Variants in FSD1L observed in about 807,000 individuals in gnomAD.
FSD1L encodes FSD1-like protein.
In FSD1L, 45 loss-of-function variants were observed where a neutral mutation model predicts 71.6. The ratio of observed to expected loss-of-function variants is 0.63; its 90% confidence interval spans 0.49 to 0.81. The LOEUF (loss-of-function observed/expected upper bound fraction) is 0.81, where lower values mean the gene tolerates loss of function less well. Among genes scored for constraint, FSD1L ranks in the 30% least tolerant of loss-of-function variants. FSD1L has a pLI of 0.00. For missense variants in FSD1L, 561 were observed against 618.1 expected, an observed-to-expected ratio of 0.91 and a Z score of 0.98; for synonymous variants, 197 against 207.2, an observed-to-expected ratio of 0.95 and a Z score of 0.42.
chr9:105,481,868 G>A (rs1015104726), intron 6 of FSD1L, among the ~76,000 whole-genome samples: 10 of 151,848 alleles, frequency 6.6e-5, no homozygotes, highest in African/African-American at 2.2e-4. Flanking sequence ...GACCTCCCTG[G>A]CTTAAGGGGC....
chr9:105,479,811 C>A (rs1451287574), intron 6 of FSD1L, among the ~76,000 whole-genome samples: 1 of 152,190 alleles, frequency 6.6e-6, no homozygotes, highest in Non-Finnish European at 1.5e-5. Flanking sequence ...TCACTGCCCT[C>A]CTGTTTAACA....
intron 8 of FSD1L, 31 bp from the exon 9 acceptor site, chr9:105,508,586 A>C (rs1208146427): frequency 3.1e-6 from 4 of 1,293,966 alleles, no homozygotes; most frequent in African/African-American, 2.9e-5. Context: ...TTTACTGTAC[A>C]TGTCTGAAAA....
upstream of FSD1L, among the ~76,000 whole-genome samples, chr9:105,446,594 C>T (rs1332603364): frequency 2.0e-5 from 3 of 152,100 alleles, no homozygotes; most frequent in African/African-American, 7.2e-5. Context: ...TGGTCTCGAA[C>T]TCCTGGACTC....
At chr9:105,476,782 T>C (rs1007758176) in intron 5 of FSD1L, among the ~76,000 whole-genome samples, 2 of 152,166 alleles carry the variant, frequency 1.3e-5, no homozygotes, top group Admixed American at 6.5e-5. Flanking sequence ...GAAAAAAAAA[T>C]TATTTTCCAA....
intron 1 of FSD1L, among the ~76,000 whole-genome samples, chr9:105,460,384 G>A (rs1279517020): frequency 6.6e-6 from 1 of 152,068 alleles, no homozygotes; most frequent in Non-Finnish European, 1.5e-5. Flanking sequence ...AAGGTCAGGA[G>A]TTCGAGACCA....
chr9:105,528,470 A>G (rs1234626662), intron 10 of FSD1L, among the ~76,000 whole-genome samples: 1 of 152,240 alleles, frequency 6.6e-6, no homozygotes, highest in Non-Finnish European at 1.5e-5. Flanking sequence ...GACCTAAGAA[A>G]TAAAACCACA....
chr9:105,520,384 T>TA, intron 10 of FSD1L: 2 of 1,202,264 alleles, frequency 1.7e-6, no homozygotes, highest in Non-Finnish European at 2.4e-6. Flanking sequence ...CTATTGATCT[T>TA]AAACAGTTTT....
chr9:105,444,242 A>C (rs955704432), upstream of FSD1L, among the ~76,000 whole-genome samples: 2 of 152,244 alleles, frequency 1.3e-5, no homozygotes, highest in African/African-American at 2.4e-5. Flanking sequence ...AAATAATACT[A>C]GCCAGCATTT....
intron 7 of FSD1L, among the ~76,000 whole-genome samples, chr9:105,492,267 T>G (rs1174354131): frequency 1.3e-5 from 2 of 152,186 alleles, no homozygotes; most frequent in Admixed American, 6.5e-5. Context: ...TTCTTCTATA[T>G]TTTCCAGTTT....
At position 105,537,264 on chromosome 9, in the gene FSD1L, A is replaced by G. The variant is rs143324267; in HGVS notation, c.1378+1946A>G. Among the ~76,000 whole-genome samples the G allele has an allele frequency of 4.1e-3, 623 of 152,274 alleles. 3 individuals carry two copies. The highest frequency in any genetic ancestry group is 0.014 in the African/African-American group (591 of 41,534). The stretch of plus-strand genomic sequence containing the variant: ...TATTATTTTAGTAATATTGTGCCCA[A>G]ATAATTCCGTGAGCTGTCAGTTAAT... On this transcript the variant is annotated intron_variant, in intron 12 of 13. Coordinates refer to ENST00000481272, the MANE Select transcript of FSD1L (RefSeq NM_001145313.3).
At chr9:105,455,278 A>C (rs1452131063) in intron 1 of FSD1L, among the ~76,000 whole-genome samples, 1 of 152,178 alleles carries the variant, frequency 6.6e-6, no homozygotes, top group Non-Finnish European at 1.5e-5. Context: ...TCAGCCTGCC[A>C]CCACTGGACT....
intron 1 of FSD1L, among the ~76,000 whole-genome samples, chr9:105,451,379 T>C (rs1247654600): frequency 6.6e-6 from 1 of 152,244 alleles, no homozygotes; most frequent in Non-Finnish European, 1.5e-5. Flanking sequence ...TTCTGAGTCA[T>C]GCAGTCTGAC....
intron 4 of FSD1L, 41 bp downstream of exon 4, chr9:105,468,365 T>C (rs1159437089): frequency 7.0e-7 from 1 of 1,422,530 alleles, no homozygotes. Context: ...AATTTTAGTC[T>C]ATTTAATCCT....
chr9:105,463,135 TG>T (rs1830826746), intron 2 of FSD1L, among the ~76,000 whole-genome samples: 1 of 104,694 alleles, frequency 9.6e-6, no homozygotes, highest in African/African-American at 3.6e-5. Flanking sequence ...CCAAAAACTC[TG>T]TCTCGAGAAA....
At chr9:105,495,003 C>G (rs1833257461) in intron 7 of FSD1L, among the ~76,000 whole-genome samples, 1 of 152,184 alleles carries the variant, frequency 6.6e-6, no homozygotes, top group Admixed American at 6.5e-5. Flanking sequence ...TCTCCAGCTG[C>G]ATGCTGGGAG....
At chr9:105,478,374 A>T (rs1485477221) in intron 5 of FSD1L, among the ~76,000 whole-genome samples, 1 of 152,216 alleles carries the variant, frequency 6.6e-6, no homozygotes, top group Non-Finnish European at 1.5e-5. Flanking sequence ...GAGGCCACAG[A>T]AGCATTGCTA....
At chr9:105,450,534 CTTT>C (rs35115121) in intron 1 of FSD1L, among the ~76,000 whole-genome samples, 14 of 137,884 alleles carry the variant, frequency 1.0e-4, no homozygotes, top group African/African-American at 1.6e-4. Context: ...GGATTGTGTT[CTTT>C]TTTTTTTTTT....
At chr9:105,452,380 C>T (rs1159095476) in intron 1 of FSD1L, among the ~76,000 whole-genome samples, 1 of 152,168 alleles carries the variant, frequency 6.6e-6, no homozygotes, top group Admixed American at 6.5e-5. Flanking sequence ...TCCTGTTGCA[C>T]TGTTAGGGAA....
intron 1 of FSD1L, among the ~76,000 whole-genome samples, chr9:105,451,487 T>G (rs566799729): frequency 1.4e-4 from 22 of 152,320 alleles, no homozygotes; most frequent in Middle Eastern, 3.4e-3. Flanking sequence ...TTTGTGAAAA[T>G]AACTTGGACT....
Sources: allele counts gnomAD v4.1 joint callset (sites outside exome capture counted in the v4.1 genomes callset), GRCh38; gene constraint gnomAD v4.1.1; transcripts MANE v1.5; gene names NCBI Gene and HGNC (gene_info 2026-07-23, HGNC 2026-07-21).